SF3A2: variants seen among roughly 807,000 people sequenced by gnomAD.
SF3A2 encodes the protein splicing factor 3a subunit 2.
A neutral mutation model predicts 31.1 loss-of-function variants in SF3A2; 5 were observed. The observed-to-expected ratio is 0.16, with a 90% CI of 0.08 to 0.34. The LOEUF (loss-of-function observed/expected upper bound fraction) is 0.34, where lower values mean the gene tolerates loss of function less well. Among genes scored for constraint, SF3A2 ranks in the 10% least tolerant of loss-of-function variants. The pLI is 1.00. For missense variants in SF3A2, 577 were observed against 643.9 expected (o/e 0.90, Z 1.13); for synonymous variants, 365 against 263.7 (o/e 1.38, Z -3.72).
chr19:2,243,587 T>C, intron 2 of SF3A2, 43 bp downstream of exon 2: 2 of 1,502,336 alleles, frequency 1.3e-6, no homozygotes, highest in Non-Finnish European at 1.8e-6. Context: ...GGTGCTGGGC[T>C]TTCCAGGGCA....
rs757749686 is a variant in SF3A2 at position 2,248,051 on chromosome 19, GGTCCATCCCCCAGCTCCTGGC to G, written c.906_926del (p.Ala319_Pro325del). 2.4e-5 allele frequency: 23 copies of G among 949,252 alleles called. No homozygotes were observed. Among genetic ancestry groups the G allele is most frequent in the South Asian group, 1.2e-4 (9 of 72,004 alleles). The allele number at this position is 949,252 out of a possible 1,614,324, so 58.8% of individuals were successfully genotyped here. A position where few individuals can be genotyped will look rare whatever the true frequency, so the allele number is the denominator to read the frequency against. On this transcript the variant is annotated inframe_deletion, in exon 9 of 9. Coordinates refer to ENST00000221494, the MANE Select transcript of SF3A2 (RefSeq NM_007165.5). ...CAGTGGTGCATCCCCCTGCATCTGG[GGTCCATCCCCCAGCTCCTGGC>G]GTCCACCCCCCAGCTCCTGGCGTCC...
chr19:2,244,454 C>T, intron 2 of SF3A2, 90 bp from the exon 3 acceptor site: 1 of 984,890 alleles, frequency 1.0e-6, no homozygotes, highest in South Asian at 1.4e-5. Context: ...TGCCTCCATG[C>T]CTCTACAGAA....
chr19:2,244,224 G>A lies in SF3A2; in HGVS notation c.127-320G>A, dbSNP rs149074883. Among the ~76,000 whole-genome samples the A allele has an allele frequency of 6.4e-3, 976 of 152,242 alleles. 8 individuals carry two copies. The Middle Eastern group carries it at 0.065, about 10-fold the overall frequency. On this transcript the variant is annotated intron_variant, in intron 2 of 8. Coordinates refer to ENST00000221494, the MANE Select transcript of SF3A2 (RefSeq NM_007165.5). ...TGGGCAGTGGACGGCTCCCTGCCTC[G>A]GGAGTGACCGGCGGTGCTGTCCTGG...
chr19:2,240,594 C>T (rs1394792962), intron 1 of SF3A2, among the ~76,000 whole-genome samples: 1 of 152,220 alleles, frequency 6.6e-6, no homozygotes, highest in Non-Finnish European at 1.5e-5. Context: ...CAGGTGCTCC[C>T]TGTGACAGCT....
intron 1 of SF3A2, among the ~76,000 whole-genome samples, chr19:2,242,245 G>A (rs2024897222): frequency 6.6e-6 from 1 of 152,254 alleles, no homozygotes; most frequent in African/African-American, 2.4e-5. Flanking sequence ...ACACATCACT[G>A]CAGACGCAGT....
At chr19:2,243,089 C>T (rs923719412) in intron 1 of SF3A2, among the ~76,000 whole-genome samples, 1 of 152,162 alleles carries the variant, frequency 6.6e-6, no homozygotes, top group African/African-American at 2.4e-5. Flanking sequence ...AATTTCAGGT[C>T]TCCAGGCCTT....
intron 2 of SF3A2, 84 bp downstream of exon 2, chr19:2,243,628 G>C: frequency 7.1e-7 from 1 of 1,411,708 alleles, no homozygotes; most frequent in Non-Finnish European, 9.2e-7. Context: ...GGCTCTTCTT[G>C]GGCCTCCGCC....
chr19:2,246,720 G>C lies in SF3A2; in HGVS notation c.356-33G>C, dbSNP rs2145016203. The C allele has an allele frequency of 1.2e-6, 2 of 1,613,640 alleles. 1 individual carries two copies. Among genetic ancestry groups the C allele is most frequent in the South Asian group, 2.2e-5 (2 of 91,068 alleles). ...GGTTCCTCAGCTTCGGAGAGGACAAGCAGCCGGGACCTGAGAGCTTTCTGT... is the reference window on the plus strand; with the variant it reads ...GGTTCCTCAGCTTCGGAGAGGACAACCAGCCGGGACCTGAGAGCTTTCTGT... On this transcript the variant is annotated intron_variant, in intron 5 of 8. Transcript: ENST00000221494. The surrounding 1 kb of genome is among the most constrained non-coding windows in gnomAD (Gnocchi z 5.5).
At position 2,242,654 on chromosome 19, in the gene SF3A2, G is replaced by A. The variant is rs150677674; in HGVS notation, c.-37-728G>A. On this transcript the variant is annotated intron_variant, in intron 1 of 8. Transcript: ENST00000221494. The stretch of plus-strand genomic sequence containing the variant: ...GCTCACCCAAGACCCTTAAACCAGG[G>A]CCCGGGGCCAACATTGAGCAGGCAA... Among the ~76,000 whole-genome samples the A allele has an allele frequency of 3.3e-5, 5 of 152,294 alleles. No individual in the cohort carries two copies. The East Asian group carries it at 9.6e-4, about 29-fold the overall frequency.
Position 2,248,275 on chromosome 19 carries a change from AG to A in SF3A2, c.1126del (p.Ala376ProfsTer70). On this transcript the variant is annotated frameshift_variant, in exon 9 of 9. Transcript: ENST00000221494. LOFTEE classifies it low-confidence loss of function (END_TRUNC). ...HPPPSAGVHP[Q>X]APGVHPAAPA... ...CCCCCATCAGCGGGGGTTCACCCCCAGGCCCCGGGGGTGCACCCAGCAGCCC... is the reference window on the plus strand; with the variant it reads ...CCCCCATCAGCGGGGGTTCACCCCCAGCCCCGGGGGTGCACCCAGCAGCCC... 8.9e-7 allele frequency: 1 copy of A among 1,119,858 alleles called. No individual in the cohort carries two copies. The highest frequency in any genetic ancestry group is 1.1e-6 in the Non-Finnish European group (1 of 917,032). 69.4% of individuals were successfully genotyped at this position (1,119,858 alleles called of 1,614,324 possible). A position where few individuals can be genotyped will look rare whatever the true frequency, so the allele number is the denominator to read the frequency against.
In SF3A2 at chr19:2,245,458, A is replaced by G. The variant is rs116548172; in HGVS notation, c.258A>G (p.Ala86=). 30,251 of 1,550,166 alleles carry G rather than the reference A, an allele frequency of 0.02. 344 individuals carry two copies. The highest frequency in any genetic ancestry group is 0.023 in the Non-Finnish European group (26,345 of 1,146,548). The change falls in exon 5 of 9, where the codon GCA becomes GCG. Residue 86 remains alanine, a synonymous_variant. Coordinates refer to ENST00000221494, the MANE Select transcript of SF3A2 (RefSeq NM_007165.5). The surrounding 1 kb of genome is among the most constrained non-coding windows in gnomAD (Gnocchi z 4.2). ...KKHQTNLARR[A]AKEAKEAPAQ... ...ATCCTGTCCGCAGGGCCCGGCGAGC[A>G]GCCAAGGAGGCCAAGGAGGCCCCTG... is the stretch of plus-strand genomic sequence containing the variant.
intron 3 of SF3A2, 32 bp downstream of exon 3, chr19:2,244,647 C>T (rs45539635): frequency 0.013 from 20,293 of 1,611,696 alleles, 149 homozygotes; most frequent in African/African-American, 0.022. Context: ...GGGCGGCTCG[C>T]GGCGGGCTGA....
In SF3A2 at chr19:2,248,087, T is replaced by C. The variant is rs754866878; in HGVS notation, c.936T>C (p.Ala312=). ...HPPAPGVHPP[A]PGVHPPAPGV... ...CAGCTCCTGGCGTCCACCCCCCAGC[T>C]CCTGGCGTCCATCCCCCAGCCCCTG... Residue 312 remains alanine (A), a synonymous_variant, in exon 9 of 9, where the codon GCT becomes GCC. Coordinates refer to ENST00000221494, the MANE Select transcript of SF3A2 (RefSeq NM_007165.5). 87 of 893,824 alleles carry C rather than the reference T, an allele frequency of 9.7e-5. No homozygotes were observed. The African/African-American group carries it at 1.0e-3, about 10-fold the overall frequency. 55.4% of individuals were successfully genotyped at this position (893,824 alleles called of 1,614,324 possible). A position where few individuals can be genotyped will look rare whatever the true frequency, so the allele number is the denominator to read the frequency against.
intron 1 of SF3A2, chr19:2,237,817 A>C (rs1372316825): frequency 6.6e-6 from 1 of 152,328 alleles, no homozygotes; most frequent in Admixed American, 6.5e-5. Flanking sequence ...CCCATTTTGC[A>C]GGTGCACCCC....
intron 1 of SF3A2, chr19:2,237,750 A>G (rs1195586464): frequency 6.6e-6 from 1 of 152,160 alleles, no homozygotes; most frequent in Non-Finnish European, 1.5e-5. Context: ...AGTTCCCTTA[A>G]AATGGGAGTG....
intron 1 of SF3A2, among the ~76,000 whole-genome samples, chr19:2,240,185 G>A (rs2024876475): frequency 6.6e-6 from 1 of 152,204 alleles, no homozygotes; most frequent in African/African-American, 2.4e-5. Flanking sequence ...GGCCTCCCCC[G>A]GGGTGGGGGG....
chr19:2,242,254 G>A (rs2024897350), intron 1 of SF3A2, among the ~76,000 whole-genome samples: 1 of 152,266 alleles, frequency 6.6e-6, no homozygotes, highest in Non-Finnish European at 1.5e-5. Flanking sequence ...TGCAGACGCA[G>A]TAGTTCAGAT....
chr19:2,248,387 CGGGGTCCATCCGTCGGCTCCT>C lies in SF3A2; in HGVS notation c.1245_1265del (p.Ser417_Pro423del), dbSNP rs1326209753. 2.2e-6 allele frequency: 3 copies of C among 1,377,282 alleles called. No individual in the cohort carries two copies. The highest frequency in any genetic ancestry group is 2.8e-6 in the Non-Finnish European group (3 of 1,069,738). The allele number at this position is 1,377,282 out of a possible 1,614,324, so 85.3% of individuals were successfully genotyped here. A position where few individuals can be genotyped will look rare whatever the true frequency, so the allele number is the denominator to read the frequency against. ...CCCCGGGGGTCCACCCCCAACCTCC[CGGGGTCCATCCGTCGGCTCCT>C]GGGGTCCACCCTCAGCCTCCGGGAG... On this transcript the variant is annotated inframe_deletion, in exon 9 of 9. Transcript: ENST00000221494.
chr19:2,244,654 C>A, intron 3 of SF3A2, 39 bp downstream of exon 3: 1 of 1,610,646 alleles, frequency 6.2e-7, no homozygotes, highest in Non-Finnish European at 8.5e-7. Flanking sequence ...TCGCGGCGGG[C>A]TGAGTGGCTG....
Sources: allele counts gnomAD v4.1 joint callset (sites outside exome capture counted in the v4.1 genomes callset), GRCh38; gene constraint gnomAD v4.1.1; non-coding constraint Gnocchi (gnomAD v3.1); transcripts MANE v1.5; gene names NCBI Gene and HGNC (gene_info 2026-07-23, HGNC 2026-07-21).